Variants in NTRK3 observed in about 807,000 individuals in gnomAD.
NTRK3 encodes the protein NT-3 growth factor receptor.
Under a neutral mutation model 91.7 loss-of-function variants are expected in NTRK3, and 24 were observed. That is an observed-to-expected ratio of 0.26 (90% CI 0.19 to 0.37). NTRK3 has a LOEUF of 0.37. Among genes scored for constraint, NTRK3 ranks in the 10% least tolerant of loss-of-function variants. The pLI, the probability that NTRK3 is intolerant of heterozygous loss-of-function variation, is 1.00. For missense variants in NTRK3, 880 were observed against 1,068.9 expected, an observed-to-expected ratio of 0.82 and a Z score of 2.46; for synonymous variants, 483 against 404.0, an observed-to-expected ratio of 1.20 and a Z score of -2.34.
chr15:88,192,275 C>T (rs937960576), intron 3 of NTRK3, among the ~76,000 whole-genome samples: 1 of 152,120 alleles, frequency 6.6e-6, no homozygotes, highest in Non-Finnish European at 1.5e-5. Context: ...CTCCCAGGAG[C>T]GAGATTTCAC....
chr15:88,108,203 A>G (rs2050919963), intron 13 of NTRK3, among the ~76,000 whole-genome samples: 1 of 152,166 alleles, frequency 6.6e-6, no homozygotes, highest in African/African-American at 2.4e-5. Context: ...TCTGTATCCC[A>G]CAGTGCCTAC....
intron 10 of NTRK3, among the ~76,000 whole-genome samples, chr15:88,131,273 T>C (rs749211525): frequency 6.6e-6 from 1 of 152,228 alleles, no homozygotes; most frequent in African/African-American, 2.4e-5. Context: ...CATTCACCCA[T>C]TCATTCACTC....
At chr15:88,060,656 G>C (rs978880848) in intron 13 of NTRK3, among the ~76,000 whole-genome samples, 3 of 152,096 alleles carry the variant, frequency 2.0e-5, no homozygotes, top group Non-Finnish European at 1.5e-5. Flanking sequence ...AACTGAGCAC[G>C]GGGGAACAGC....
chr15:87,920,494 G>A (rs141979950), intron 17 of NTRK3, among the ~76,000 whole-genome samples: 1 of 152,212 alleles, frequency 6.6e-6, no homozygotes, highest in East Asian at 1.9e-4. Context: ...GAGAACAAAC[G>A]CATGGTTTAG....
Position 88,075,909 on chromosome 15 carries a change from C to T in NTRK3, c.1397-42864G>A, listed in dbSNP as rs761487182. On this transcript the variant is annotated intron_variant, in intron 13 of 18. Transcript: ENST00000394480. ...CACCTGCGAAATAAGGATAGTCATACGTACTTTCTATGAGATCATGTATGT... is the reference window on the plus strand; with the variant it reads ...CACCTGCGAAATAAGGATAGTCATATGTACTTTCTATGAGATCATGTATGT... Among the ~76,000 whole-genome samples, 3 of 152,154 alleles carry T rather than the reference C, an allele frequency of 2.0e-5. No homozygotes were observed. The East Asian group carries it at 5.8e-4, about 29-fold the overall frequency.
chr15:88,176,223 G>T (rs186199356), intron 5 of NTRK3, among the ~76,000 whole-genome samples: 1 of 135,230 alleles, frequency 7.4e-6, no homozygotes, highest in South Asian at 2.5e-4. Flanking sequence ...TGCAACCTCC[G>T]CCTCCCAGGT....
At chr15:87,885,233 A>G (rs543820478) in intron 17 of NTRK3, among the ~76,000 whole-genome samples, 78 of 152,106 alleles carry the variant, frequency 5.1e-4, no homozygotes, top group African/African-American at 1.8e-3. Flanking sequence ...ATTTAAATAA[A>G]TGCATTGAAA....
chr15:88,095,211 T>C (rs1295663612), intron 13 of NTRK3, among the ~76,000 whole-genome samples: 2 of 152,240 alleles, frequency 1.3e-5, no homozygotes, highest in Non-Finnish European at 2.9e-5. Flanking sequence ...AATAGTCTTC[T>C]CAGAATATGC....
At chr15:88,067,353 G>C (rs1173101524) in intron 13 of NTRK3, among the ~76,000 whole-genome samples, 1 of 151,938 alleles carries the variant, frequency 6.6e-6, no homozygotes, top group African/African-American at 2.4e-5. Flanking sequence ...TTTATCTCTG[G>C]TATCTATTTA....
intron 13 of NTRK3, among the ~76,000 whole-genome samples, chr15:88,036,421 C>CG (rs2079074898): frequency 7.3e-6 from 1 of 137,594 alleles, no homozygotes; most frequent in East Asian, 2.0e-4. Flanking sequence ...AAATCTACAC[C>CG]TAAAAAAAAA....
At chr15:88,031,549 C>A (rs1345164469) in intron 14 of NTRK3, among the ~76,000 whole-genome samples, 1 of 152,192 alleles carries the variant, frequency 6.6e-6, no homozygotes, top group Admixed American at 6.5e-5. Context: ...CCTTGCCCAG[C>A]CGTGGTTCAG....
intron 3 of NTRK3, among the ~76,000 whole-genome samples, chr15:88,198,265 T>G (rs1331927174): frequency 6.6e-6 from 1 of 152,116 alleles, no homozygotes; most frequent in African/African-American, 2.4e-5. Context: ...CCTTACCCAC[T>G]GCTTCCTCCT....
intron 13 of NTRK3, among the ~76,000 whole-genome samples, chr15:88,096,645 C>A (rs891052393): frequency 2.6e-5 from 4 of 152,296 alleles, no homozygotes; most frequent in Admixed American, 6.5e-5. Context: ...GTAATTAATA[C>A]CACTGGAACA....
chr15:88,241,865 T>C lies in NTRK3; in HGVS notation c.248+14041A>G, dbSNP rs563045808. 6.6e-6 allele frequency among the ~76,000 whole-genome samples: 1 copy of C among 152,222 alleles called. No homozygotes were observed. The highest frequency in any genetic ancestry group is 1.9e-4 in the East Asian group (1 of 5,180). ...CCCACCTCCCCTCTCCAGAGGTCGA[T>C]TTCCAGGTGCAGGGAGAGGCCAGGA... On this transcript the variant is annotated intron_variant, in intron 3 of 18. Transcript: ENST00000394480. The surrounding 1 kb of genome is among the most constrained non-coding windows in gnomAD (Gnocchi z 4.3).
chr15:88,125,061 C>T (rs183325755), intron 13 of NTRK3, among the ~76,000 whole-genome samples: 46 of 152,294 alleles, frequency 3.0e-4, no homozygotes, highest in African/African-American at 1.1e-3. Context: ...CTCACTGCAG[C>T]CTTGACCTCC....
chr15:87,945,346 A>T (rs973522461), intron 14 of NTRK3, among the ~76,000 whole-genome samples: 3 of 152,216 alleles, frequency 2.0e-5, no homozygotes, highest in African/African-American at 7.2e-5. Flanking sequence ...CAAGAACAGA[A>T]ACAAGATTTC....
intron 17 of NTRK3, among the ~76,000 whole-genome samples, chr15:87,881,406 CTTATTTATTTAT>C (rs61208268): frequency 0.039 from 5,788 of 149,248 alleles, 134 homozygotes; most frequent in Middle Eastern, 0.066. Context: ...TTCCTTCTTT[CTTATTTATTTAT>C]TTATTTATTT....
At chr15:87,882,475 A>G (rs1363615402) in intron 17 of NTRK3, among the ~76,000 whole-genome samples, 2 of 152,202 alleles carry the variant, frequency 1.3e-5, no homozygotes, top group Non-Finnish European at 2.9e-5. Flanking sequence ...TTTGGTAGTA[A>G]AAGTAATACA....
intron 13 of NTRK3, among the ~76,000 whole-genome samples, chr15:88,056,337 TAAG>T (rs1309864738): frequency 1.3e-5 from 2 of 151,866 alleles, no homozygotes; most frequent in East Asian, 1.9e-4. Context: ...ATATTAATAA[TAAG>T]AAAATTTTCA....
Sources: gnomAD v4.1 joint callset for allele counts (sites outside exome capture counted in the v4.1 genomes callset) on GRCh38, gnomAD v4.1.1 for gene constraint, Gnocchi (gnomAD v3.1) non-coding constraint, MANE v1.5 for transcripts, NCBI Gene and HGNC (gene_info 2026-07-23, HGNC 2026-07-21) for gene names.